The following STK3 variants were observed in gnomAD, a reference collection of about 807,000 sequenced individuals.
STK3 encodes the protein serine/threonine-protein kinase 3.
STK3 carries 41 observed loss-of-function variants against 58.0 expected under a neutral mutation model. The observed-to-expected ratio is 0.71, with a 90% CI of 0.55 to 0.92. STK3 has a LOEUF of 0.92. STK3 is among the 40% of genes least tolerant of loss of function. The pLI, the probability that STK3 is intolerant of heterozygous loss-of-function variation, is 0.00. For synonymous variants in STK3, 170 were observed against 191.0 expected, an observed-to-expected ratio of 0.89 and a Z score of 0.91; for missense variants, 479 against 602.7, an observed-to-expected ratio of 0.79 and a Z score of 2.15.
At chr8:98,688,748 A>T (rs1224889034) in intron 6 of STK3, among the ~76,000 whole-genome samples, 1 of 152,186 alleles carries the variant, frequency 6.6e-6, no homozygotes. Context: ...ACAACATACC[A>T]AAACCTCTGG....
chr8:98,359,345 A>T, the STK3 span, among the ~76,000 whole-genome samples: 5 of 30,978 alleles, frequency 1.6e-4, no homozygotes, highest in South Asian at 2.4e-3. Flanking sequence ...CATCTCAACT[A>T]AAAAAAAAAA....
chr8:98,825,359 C>G (rs746160110), intron 1 of STK3, among the ~76,000 whole-genome samples, 156 bp downstream of exon 1: 2 of 152,042 alleles, frequency 1.3e-5, no homozygotes, highest in African/African-American at 4.8e-5. Context: ...CGTGGACAGA[C>G]GCGGCGGGAC....
At chr8:98,566,015 C>T (rs1357434839) in intron 8 of STK3, among the ~76,000 whole-genome samples, 1 of 152,144 alleles carries the variant, frequency 6.6e-6, no homozygotes, top group African/African-American at 2.4e-5. Flanking sequence ...TAACCTTCTA[C>T]AGAAATCTCT....
chr8:98,884,984 G>C (rs1028617135), intron 1 of STK3, among the ~76,000 whole-genome samples: 1 of 152,130 alleles, frequency 6.6e-6, no homozygotes, highest in African/African-American at 2.4e-5. Context: ...CATCTTCCAG[G>C]TTCCCCGTGT....
chr8:98,437,396 A>G (rs1326201635), intron 1 of STK3: 1 of 152,200 alleles, frequency 6.6e-6, no homozygotes, highest in Non-Finnish European at 1.5e-5. Context: ...GCCCTAGACT[A>G]TTGGCCTCCC....
In STK3 at chr8:98,749,413, T is replaced by C. The variant is rs377501864; in HGVS notation, c.237-23A>G. On this transcript the variant is annotated intron_variant, in intron 3 of 10. Transcript: ENST00000419617. ...GGGCTAAAGGAAAATACATAAACAA[T>C]TAAATTTAGTTAATTCCCAAAGAAA... 142 of 1,340,754 alleles carry C rather than the reference T, an allele frequency of 1.1e-4. No individual in the cohort carries two copies. The African/African-American group carries it at 1.8e-3, about 17-fold the overall frequency. The allele number at this position is 1,340,754 out of a possible 1,614,324, so 83.1% of individuals were successfully genotyped here. A position where few individuals can be genotyped will look rare whatever the true frequency, so the allele number is the denominator to read the frequency against.
chr8:98,560,027 T>C lies in STK3; in HGVS notation c.949-11866A>G, dbSNP rs376895871. Among the ~76,000 whole-genome samples, 5 of 152,260 alleles carry C rather than the reference T, an allele frequency of 3.3e-5. No individual in the cohort carries two copies. The South Asian group carries it at 1.0e-3, about 32-fold the overall frequency. ...TGCATACCTCTATCACAGTACTTGC[T>C]ACATTGCATTATGATCAGTTATCAG... On this transcript the variant is annotated intron_variant, in intron 8 of 10. Coordinates refer to ENST00000419617, the MANE Select transcript of STK3 (RefSeq NM_006281.4).
At chr8:98,716,335 A>T (rs1354461979) in intron 4 of STK3, among the ~76,000 whole-genome samples, 1 of 152,132 alleles carries the variant, frequency 6.6e-6, no homozygotes, top group Non-Finnish European at 1.5e-5. Context: ...TACAAAATCA[A>T]CCCAAGAAAA....
intron 3 of STK3, chr8:98,875,550 C>G (rs570606759): frequency 1.3e-5 from 2 of 152,328 alleles, no homozygotes; most frequent in African/African-American, 4.8e-5. Flanking sequence ...TAAGTTTCCA[C>G]TTGGGATTTA....
intron 1 of STK3, among the ~76,000 whole-genome samples, chr8:98,821,775 CATGGGT>C (rs1461954626): frequency 6.6e-6 from 1 of 152,064 alleles, no homozygotes; most frequent in Non-Finnish European, 1.5e-5. Context: ...AAGTTGGTGA[CATGGGT>C]GACCACATCT....
At chr8:98,560,057 T>C (rs1238653789) in intron 8 of STK3, among the ~76,000 whole-genome samples, 3 of 152,138 alleles carry the variant, frequency 2.0e-5, no homozygotes, top group East Asian at 1.9e-4. Flanking sequence ...TATCAGTTTA[T>C]TTGTCTCACT....
At chr8:98,872,618 T>C (rs1837417876) in intron 3 of STK3, among the ~76,000 whole-genome samples, 1 of 152,252 alleles carries the variant, frequency 6.6e-6, no homozygotes, top group African/African-American at 2.4e-5. Flanking sequence ...TTTTCTAGTT[T>C]ATTTGTGTAG....
chr8:98,662,091 T>C (rs1238724350), intron 6 of STK3, among the ~76,000 whole-genome samples: 1 of 152,184 alleles, frequency 6.6e-6, no homozygotes, highest in Non-Finnish European at 1.5e-5. Flanking sequence ...AGTAAGTGTT[T>C]AATCAATGTT....
At position 98,556,356 on chromosome 8, in the gene STK3, C is replaced by T. The variant is rs193043330; in HGVS notation, c.949-8195G>A. Among the ~76,000 whole-genome samples the T allele has an allele frequency of 5.3e-4, 80 of 152,110 alleles. 1 individual carries two copies. In the East Asian group the frequency reaches 0.014, roughly 27 times the overall value. ...TTCTCAGAGATAAAATCTAGCCAAA[C>T]GTGAACTCACTATCCCAAAGATAAA... On this transcript the variant is annotated intron_variant, in intron 8 of 10. Transcript: ENST00000419617.
At chr8:98,351,808 T>G in the STK3 span, among the ~76,000 whole-genome samples, 1 of 152,116 alleles carries the variant, frequency 6.6e-6, no homozygotes, top group Non-Finnish European at 1.5e-5. Context: ...AAATCCAAGT[T>G]AGAAAGTGTC....
At chr8:98,531,888 C>T (rs1826194442) in intron 9 of STK3, among the ~76,000 whole-genome samples, 1 of 152,222 alleles carries the variant, frequency 6.6e-6, no homozygotes, top group African/African-American at 2.4e-5. Flanking sequence ...TCTGCAGCTT[C>T]CTTACCTCTT....
In STK3 at chr8:98,593,712, C is replaced by G. The variant is rs558107616; in HGVS notation, c.822+2320G>C. 2.6e-5 allele frequency among the ~76,000 whole-genome samples: 4 copies of G among 152,298 alleles called. No individual in the cohort carries two copies. In the East Asian group the frequency reaches 7.7e-4, roughly 29 times the overall value. ...GTTTAATCCTGAAACAATCCCAACT[C>G]TGCTCACCATCCATGGAAAAACTGT... On this transcript the variant is annotated intron_variant, in intron 7 of 10. Transcript: ENST00000419617.
intron 1 of STK3, among the ~76,000 whole-genome samples, chr8:98,786,616 A>T (rs1215439581): frequency 2.6e-5 from 4 of 152,242 alleles, no homozygotes; most frequent in Non-Finnish European, 5.9e-5. Context: ...AAAATTGAAC[A>T]AAGTCTTTAA....
At chr8:98,414,970 C>G (rs1818097642) in intron 3 of STK3, among the ~76,000 whole-genome samples, 1 of 152,158 alleles carries the variant, frequency 6.6e-6, no homozygotes, top group Non-Finnish European at 1.5e-5. Context: ...GAATTTGTCC[C>G]CCAAAATTCA....
Sources: gnomAD v4.1 joint callset for allele counts (sites outside exome capture counted in the v4.1 genomes callset) on GRCh38, gnomAD v4.1.1 for gene constraint, MANE v1.5 for transcripts, NCBI Gene and HGNC (gene_info 2026-07-23, HGNC 2026-07-21) for gene names.